The following NR1I2 variants were observed in gnomAD, a reference collection of about 807,000 sequenced individuals.
NR1I2 encodes orphan nuclear receptor PAR1.
In NR1I2, 42 loss-of-function variants were observed where a neutral mutation model predicts 43.3. That is an observed-to-expected ratio of 0.97 (90% CI 0.76 to 1.26). NR1I2 has a LOEUF of 1.26. Ranked by LOEUF, NR1I2 falls within the 50% of genes most tolerant of loss-of-function variation. The pLI, the probability that NR1I2 is intolerant of heterozygous loss-of-function variation, is 0.00. For synonymous variants in NR1I2, 229 were observed against 215.0 expected (o/e 1.06, Z -0.57); for missense variants, 559 against 566.7 (o/e 0.99, Z 0.14).
rs547715130 is a variant in NR1I2, at chr3:119,817,594, G to A, written c.*382G>A. 3.4e-6 allele frequency: 4 copies of A among 1,164,984 alleles called. No individual in the cohort carries two copies. The highest frequency in any genetic ancestry group is 7.9e-5 in the Admixed American group (2 of 25,348). The allele number at this position is 1,164,984 out of a possible 1,614,324, so 72.2% of individuals were successfully genotyped here. The stretch of plus-strand genomic sequence containing the variant: ...AGCGACCAAGGATGGGCCATCTGGG[G>A]TCTATGCCCACATACCCACGTTTGT... On this transcript the variant is annotated 3_prime_UTR_variant, in exon 9 of 9. Transcript: ENST00000393716.
intron 1 of NR1I2, among the ~76,000 whole-genome samples, chr3:119,783,933 T>C (rs2054811488): frequency 6.6e-6 from 1 of 152,214 alleles, no homozygotes; most frequent in Non-Finnish European, 1.5e-5. Flanking sequence ...AACTGCTACG[T>C]CATATTTCAC....
At chr3:119,798,651 AAAAG>A (rs1453884923) in intron 1 of NR1I2, among the ~76,000 whole-genome samples, 40 of 151,364 alleles carry the variant, frequency 2.6e-4, no homozygotes, top group African/African-American at 9.7e-4. Context: ...AAAAAAAAAA[AAAAG>A]AAAAAGAAAG....
intron 7 of NR1I2, 130 bp downstream of exon 7, chr3:119,815,569 TG>T: frequency 2.0e-6 from 2 of 1,004,552 alleles, no homozygotes; most frequent in Non-Finnish European, 3.1e-6. Flanking sequence ...TGGTTTCTCC[TG>T]GGGTCAGTGG....
intron 1 of NR1I2, among the ~76,000 whole-genome samples, chr3:119,801,176 A>G (rs1309491618): frequency 1.3e-5 from 2 of 152,236 alleles, no homozygotes; most frequent in East Asian, 3.8e-4. Context: ...AAATAAATGA[A>G]TTATATTCTT....
At chr3:119,806,860 C>T (rs1256648301) in intron 1 of NR1I2, among the ~76,000 whole-genome samples, 1 of 152,176 alleles carries the variant, frequency 6.6e-6, no homozygotes, top group Admixed American at 6.5e-5. Flanking sequence ...GAGCTGCTCC[C>T]CATTCAGACC....
chr3:119,813,093 C>A, intron 5 of NR1I2, 133 bp downstream of exon 5: 1 of 1,029,856 alleles, frequency 9.7e-7, no homozygotes, highest in Non-Finnish European at 1.4e-6. Context: ...GTGCCCTTTC[C>A]CCGGGCAGCC....
chr3:119,809,176 G>C (rs1046610267), intron 2 of NR1I2, among the ~76,000 whole-genome samples: 17 of 152,326 alleles, frequency 1.1e-4, no homozygotes, highest in Admixed American at 3.3e-4. Context: ...CCAGAGCCAA[G>C]GGAGAGATTG....
At position 119,812,713 on chromosome 3, in the gene NR1I2, G is replaced by A. The variant is rs373870063; in HGVS notation, c.547G>A (p.Glu183Lys). The A allele has an allele frequency of 3.5e-5, 56 of 1,614,000 alleles. No homozygotes were observed. Among genetic ancestry groups the A allele is most frequent in the Admixed American group, 8.3e-5 (5 of 60,014 alleles). The change falls in exon 5 of 9, where the codon GAG becomes AAG. Residue 183 changes from glutamate (E) to lysine (K), a missense_variant. By Grantham distance (56) the Glu-to-Lys change is moderately conservative. This residue lies in a region of NR1I2 where 4 missense variants were observed against 17.9 expected (regional missense o/e 0.22). Transcript: ENST00000393716. ...GCCAGGGGTGCTTAGCAGTGGCTGC[G>A]AGTTGCCAGAGTCTCTGCAGGCCCC... is the stretch of plus-strand genomic sequence containing the variant.
chr3:119,802,810 A>G, intron 1 of NR1I2: 1 of 449,778 alleles, frequency 2.2e-6, no homozygotes, highest in South Asian at 1.6e-5. Flanking sequence ...AACAGAATAT[A>G]TCTGGTGTGT....
In NR1I2 at chr3:119,813,451, C is replaced by T. The variant is rs763522898; in HGVS notation, c.794+491C>T. Reference sequence around the variant, plus strand: ...AGCTAGATGTGGAGGCAACAACCATCGGGCAACTGGGGTTAGTGGGAGACA... The same window carrying T: ...AGCTAGATGTGGAGGCAACAACCATTGGGCAACTGGGGTTAGTGGGAGACA... On this transcript the variant is annotated intron_variant, in intron 5 of 8. Coordinates refer to ENST00000393716, the MANE Select transcript of NR1I2 (RefSeq NM_003889.4). 9.2e-5 allele frequency among the ~76,000 whole-genome samples: 14 copies of T among 152,260 alleles called. No homozygotes were observed. The East Asian group carries it at 1.7e-3, about 19-fold the overall frequency.
At chr3:119,804,957 A>G (rs1277111708) in intron 1 of NR1I2, among the ~76,000 whole-genome samples, 2 of 152,264 alleles carry the variant, frequency 1.3e-5, no homozygotes, top group Admixed American at 6.5e-5. Flanking sequence ...AAGATTTACC[A>G]TCTTTTTTTC....
At chr3:119,803,726 T>C (rs1022690898) in intron 1 of NR1I2, among the ~76,000 whole-genome samples, 80 of 152,264 alleles carry the variant, frequency 5.3e-4, no homozygotes, top group Non-Finnish European at 1.3e-4. Flanking sequence ...CTAAGATTGC[T>C]GCAGCTACCT....
chr3:119,797,012 C>T (rs1021705738), intron 1 of NR1I2, among the ~76,000 whole-genome samples: 4 of 152,164 alleles, frequency 2.6e-5, no homozygotes, highest in African/African-American at 4.8e-5. Context: ...CTCCAGCCGC[C>T]AGGAGCAAAA....
At chr3:119,799,844 G>C (rs2055052829) in intron 1 of NR1I2, among the ~76,000 whole-genome samples, 2 of 152,096 alleles carry the variant, frequency 1.3e-5, no homozygotes, top group African/African-American at 4.8e-5. Flanking sequence ...GCTGGGCGTG[G>C]TGGCAGGCAC....
chr3:119,813,249 G>A (rs546686023), intron 5 of NR1I2, among the ~76,000 whole-genome samples: 22 of 152,316 alleles, frequency 1.4e-4, no homozygotes, highest in East Asian at 5.8e-4. Flanking sequence ...GAACACATCC[G>A]AAGAACACCC....
intron 2 of NR1I2, 89 bp from the exon 3 acceptor site, chr3:119,809,972 G>C (rs1044083583): frequency 1.3e-6 from 2 of 1,546,564 alleles, no homozygotes; most frequent in Non-Finnish European, 1.8e-6. Flanking sequence ...GTCGGTAGGG[G>C]CTGGGGAGGG....
In NR1I2 at chr3:119,788,869, T is replaced by G. The variant is rs144648769; in HGVS notation, c.-23+6569T>G. Reference sequence around the variant, plus strand: ...CATCTTCTCCATGCCAGTCTGTTTGTGTACTGCCAATTTTCTGTCTGGTTA... The same window carrying G: ...CATCTTCTCCATGCCAGTCTGTTTGGGTACTGCCAATTTTCTGTCTGGTTA... On this transcript the variant is annotated intron_variant, in intron 1 of 8. Coordinates refer to ENST00000393716, the MANE Select transcript of NR1I2 (RefSeq NM_003889.4). Among the ~76,000 whole-genome samples the G allele has an allele frequency of 8.8e-3, 1,343 of 152,352 alleles. 7 individuals are homozygous for G. Among genetic ancestry groups the G allele is most frequent in the Middle Eastern group, 0.044 (13 of 294 alleles).
intron 2 of NR1I2, 142 bp from the exon 3 acceptor site, chr3:119,809,919 C>T (rs953820853): frequency 1.8e-6 from 2 of 1,090,122 alleles, no homozygotes; most frequent in African/African-American, 3.1e-5. Flanking sequence ...TCCCATAAAG[C>T]CTGACCCAGC....
At chr3:119,809,489 C>G (rs1231349601) in intron 2 of NR1I2, among the ~76,000 whole-genome samples, 1 of 151,178 alleles carries the variant, frequency 6.6e-6, no homozygotes, top group Non-Finnish European at 1.5e-5. Context: ...CCCCATAGTT[C>G]ACCCCTTCCT....
Sources: allele counts gnomAD v4.1 joint callset (sites outside exome capture counted in the v4.1 genomes callset), GRCh38; gene constraint gnomAD v4.1.1; regional missense constraint gnomAD v4.1.1; transcripts MANE v1.5; gene names NCBI Gene and HGNC (gene_info 2026-07-23, HGNC 2026-07-21).